ENPP2: variants seen among roughly 807,000 people sequenced by gnomAD.
The protein encoded by ENPP2 is ectonucleotide pyrophosphatase/phosphodiesterase 2, also known as autotaxin.
A neutral mutation model predicts 120.2 loss-of-function variants in ENPP2; 51 were observed. The ratio of observed to expected loss-of-function variants is 0.42; its 90% CI spans 0.34 to 0.54. The LOEUF (loss-of-function observed/expected upper bound fraction) is 0.54, where lower values mean the gene tolerates loss of function less well. Ranked by LOEUF, ENPP2 falls within the 20% of genes least tolerant of loss-of-function variation. The pLI is 0.04. For missense variants in ENPP2, 920 were observed against 1,066.5 expected, an observed-to-expected ratio of 0.86 and a Z score of 1.91; for synonymous variants, 365 against 366.4, an observed-to-expected ratio of 1.00 and a Z score of 0.04.
intron 8 of ENPP2, among the ~76,000 whole-genome samples, chr8:119,610,303 T>C (rs1815003860): frequency 6.6e-6 from 1 of 152,164 alleles, no homozygotes; most frequent in Admixed American, 6.5e-5. Flanking sequence ...TCTGCCTGTT[T>C]CTTGGTAAAA....
intron 6 of ENPP2, 107 bp from the exon 7 acceptor site, chr8:119,617,350 C>G: frequency 1.7e-6 from 2 of 1,170,164 alleles, no homozygotes; most frequent in Admixed American, 3.7e-5. Context: ...TTCTGTATTT[C>G]AAATAATAAA....
rs1325556656 is a variant in ENPP2 at position 119,601,375 on chromosome 8, GAAGA to G, written c.899+18_899+21del. 2 of 1,499,556 alleles carry G rather than the reference GAAGA, an allele frequency of 1.3e-6. No individual in the cohort carries two copies. Among genetic ancestry groups the G allele is most frequent in the East Asian group, 2.3e-5 (1 of 44,304 alleles). The allele number at this position is 1,499,556 out of a possible 1,614,324, so 92.9% of individuals were successfully genotyped here. ...CTAAGATAGAAATGTACTGAAGAAAGAAGAAAGAGAGAAATAAATACCTCTCATG... is the reference window on the plus strand; with the variant it reads ...CTAAGATAGAAATGTACTGAAGAAAGAAGAGAGAAATAAATACCTCTCATG... On this transcript the variant is annotated intron_variant, in intron 10 of 24. Transcript: ENST00000075322.
intron 4 of ENPP2, among the ~76,000 whole-genome samples, chr8:119,619,579 C>A (rs192499001): frequency 1.2e-3 from 186 of 151,978 alleles, no homozygotes; most frequent in African/African-American, 4.4e-3. Context: ...AAACCAGTGG[C>A]GTCAGTGAAC....
intron 11 of ENPP2, among the ~76,000 whole-genome samples, chr8:119,598,667 G>T (rs1814070297): frequency 6.6e-6 from 1 of 152,088 alleles, no homozygotes; most frequent in Admixed American, 6.5e-5. Flanking sequence ...AACTTTTAAG[G>T]TTTGAGTTAT....
chr8:119,632,607 T>A (rs1816752185), intron 2 of ENPP2, among the ~76,000 whole-genome samples: 1 of 152,218 alleles, frequency 6.6e-6, no homozygotes, highest in Admixed American at 6.5e-5. Context: ...CATTTCTTAT[T>A]TTTCACAGAA....
chr8:119,572,669 G>A (rs2130134182), intron 19 of ENPP2: 1 of 163,284 alleles, frequency 6.1e-6, no homozygotes. Flanking sequence ...CCTTCCAAAT[G>A]TATCCATTAT....
intron 24 of ENPP2, among the ~76,000 whole-genome samples, chr8:119,559,621 C>T (rs1396221201): frequency 6.6e-6 from 1 of 152,106 alleles, no homozygotes; most frequent in Non-Finnish European, 1.5e-5. Flanking sequence ...CAGAAGCATT[C>T]GCTGATGAAG....
chr8:119,586,375 T>C (rs1462828222), intron 14 of ENPP2, 62 bp from the exon 15 acceptor site: 2 of 1,527,918 alleles, frequency 1.3e-6, no homozygotes, highest in Admixed American at 3.4e-5. Context: ...TCTTACAAAT[T>C]CTCTCTCTAG....
At chr8:119,586,707 G>T (rs981328244) in intron 14 of ENPP2, among the ~76,000 whole-genome samples, 1 of 152,122 alleles carries the variant, frequency 6.6e-6, no homozygotes, top group African/African-American at 2.4e-5. Context: ...CACTAAGGTC[G>T]CTACCCAGCA....
At chr8:119,671,908 G>A (rs375168593) in intron 1 of ENPP2, among the ~76,000 whole-genome samples, 13 of 152,184 alleles carry the variant, frequency 8.5e-5, no homozygotes, top group African/African-American at 3.1e-4. Context: ...TCAGAAGGAA[G>A]CCCGGGAAGC....
chr8:119,672,286 T>C (rs1311525881), intron 1 of ENPP2, among the ~76,000 whole-genome samples: 2 of 152,224 alleles, frequency 1.3e-5, no homozygotes, highest in Admixed American at 1.3e-4. Flanking sequence ...GCAGAAAACC[T>C]GTGCTCCGTG....
intron 12 of ENPP2, chr8:119,592,943 C>T: frequency 1.0e-6 from 1 of 974,574 alleles, no homozygotes; most frequent in Non-Finnish European, 1.2e-6. Context: ...ACAGAACTGC[C>T]AAAGAGTCAG....
Position 119,637,796 on chromosome 8 carries a change from TGTA to T in ENPP2, c.136+626_136+628del. On this transcript the variant is annotated intron_variant, in intron 2 of 24. Coordinates refer to ENST00000075322, the MANE Select transcript of ENPP2 (RefSeq NM_001040092.3). ...TATGGGAACACTACTTATGGTGTAGTGTATTGTAAAAAGAAACTCTTTCACTTT... is the reference window on the plus strand; with the variant it reads ...TATGGGAACACTACTTATGGTGTAGTTTGTAAAAAGAAACTCTTTCACTTT... Among the ~76,000 whole-genome samples the T allele has an allele frequency of 2.0e-5, 3 of 152,312 alleles. 1 individual carries two copies. The South Asian group carries it at 6.2e-4, about 32-fold the overall frequency.
chr8:119,617,700 G>C lies in ENPP2; in HGVS notation c.480-137C>G, dbSNP rs1815565772. Reference sequence around the variant, plus strand: ...GTGATGGCTTACGCTTATAATCCCAGCACTTTGGGAGTCCGAGGCGGGCTG... The same window carrying C: ...GTGATGGCTTACGCTTATAATCCCACCACTTTGGGAGTCCGAGGCGGGCTG... On this transcript the variant is annotated intron_variant, in intron 5 of 24. Coordinates refer to ENST00000075322, the MANE Select transcript of ENPP2 (RefSeq NM_001040092.3). The C allele has an allele frequency of 7.8e-6, 5 of 638,854 alleles. No homozygotes were observed. The East Asian group carries it at 1.4e-4, about 18-fold the overall frequency. 39.6% of individuals were successfully genotyped at this position (638,854 alleles called of 1,614,324 possible).
At chr8:119,659,180 G>A (rs917750300) in intron 1 of ENPP2, among the ~76,000 whole-genome samples, 23 of 152,056 alleles carry the variant, frequency 1.5e-4, no homozygotes, top group Non-Finnish European at 2.8e-4. Flanking sequence ...AGCCAGATGT[G>A]GTAGCGTGCA....
intron 2 of ENPP2, among the ~76,000 whole-genome samples, chr8:119,637,631 G>T (rs926396549): frequency 6.6e-6 from 1 of 152,162 alleles, no homozygotes; most frequent in Non-Finnish European, 1.5e-5. Flanking sequence ...TCCCTAGAGT[G>T]CCCATTACTT....
intron 19 of ENPP2, chr8:119,572,127 T>G: frequency 1.9e-6 from 2 of 1,026,004 alleles, no homozygotes; most frequent in East Asian, 5.2e-5. Flanking sequence ...ACAGTAGTAC[T>G]TAGGGGCAGT....
At chr8:119,641,333 A>C (rs1482471934), upstream of ENPP2, among the ~76,000 whole-genome samples, 1 of 152,176 alleles carries the variant, frequency 6.6e-6, no homozygotes, top group African/African-American at 2.4e-5. Context: ...AAAAAACAAA[A>C]AAAAGCTTCA....
At chr8:119,661,137 A>T (rs1817908018) in intron 1 of ENPP2, among the ~76,000 whole-genome samples, 1 of 151,546 alleles carries the variant, frequency 6.6e-6, no homozygotes, top group Non-Finnish European at 1.5e-5. Flanking sequence ...GGACACAGGG[A>T]GGGGAACATC....
Sources: gnomAD v4.1 joint callset for allele counts (sites outside exome capture counted in the v4.1 genomes callset) on GRCh38, gnomAD v4.1.1 for gene constraint, MANE v1.5 for transcripts, NCBI Gene and HGNC (gene_info 2026-07-23, HGNC 2026-07-21) for gene names.